The following KYAT1 variants were observed in gnomAD, a reference collection of about 807,000 sequenced individuals.
KYAT1 encodes the protein kynurenine aminotransferase 1, also known as kynurenine--oxoglutarate transaminase 1.
A neutral mutation model predicts 52.4 loss-of-function variants in KYAT1; 47 were observed. The ratio of observed to expected loss-of-function variants is 0.90; its 90% CI spans 0.71 to 1.14. The LOEUF (loss-of-function observed/expected upper bound fraction) is 1.14, where lower values mean the gene tolerates loss of function less well. KYAT1 is among the 50% of genes most tolerant of loss of function. The pLI, the probability that KYAT1 is intolerant of heterozygous loss-of-function variation, is 0.00. For synonymous variants in KYAT1, 212 were observed against 209.6 expected, an observed-to-expected ratio of 1.01 and a Z score of -0.10; for missense variants, 480 against 557.9, an observed-to-expected ratio of 0.86 and a Z score of 1.41.
intron 2 of KYAT1, among the ~76,000 whole-genome samples, chr9:128,843,167 T>TA (rs1346579103): frequency 2.0e-5 from 3 of 151,812 alleles, no homozygotes; most frequent in Non-Finnish European, 1.5e-5. Context: ...GATTCTGTCT[T>TA]AAAAAAACAA....
chr9:128,881,275 G>T (rs1476498221), intron 1 of KYAT1, among the ~76,000 whole-genome samples: 1 of 151,834 alleles, frequency 6.6e-6, no homozygotes, highest in Non-Finnish European at 1.5e-5. Context: ...TAGAGATGAG[G>T]TTTCACCAAG....
chr9:128,844,569 A>G (rs972982425), intron 2 of KYAT1, among the ~76,000 whole-genome samples: 3 of 152,150 alleles, frequency 2.0e-5, no homozygotes, highest in Non-Finnish European at 4.4e-5. Flanking sequence ...GCACGCCTGT[A>G]ATCCCAGCTA....
At chr9:128,836,567 G>A (rs978798747) in intron 7 of KYAT1, among the ~76,000 whole-genome samples, 18 of 152,048 alleles carry the variant, frequency 1.2e-4, no homozygotes, top group African/African-American at 1.9e-4. Flanking sequence ...CCAAAGTGCT[G>A]GGATTACAGG....
chr9:128,833,490 A>G lies in KYAT1; in HGVS notation c.*94T>C. 7.6e-7 allele frequency: 1 copy of G among 1,315,910 alleles called. No individual in the cohort carries two copies. The highest frequency in any genetic ancestry group is 1.2e-5 in the South Asian group (1 of 84,110). 81.5% of individuals were successfully genotyped at this position (1,315,910 alleles called of 1,614,324 possible). ...AGGTTTCCCAATAGCATCTTCCCCA[A>G]CCTAGAAATGTCTGAAACCTGGACA... On this transcript the variant is annotated 3_prime_UTR_variant, in exon 13 of 13. Transcript: ENST00000302586.
chr9:128,867,995 G>C (rs566190859), intron 1 of KYAT1, among the ~76,000 whole-genome samples: 3 of 152,004 alleles, frequency 2.0e-5, no homozygotes, highest in African/African-American at 7.3e-5. Flanking sequence ...GGATGGTCTC[G>C]ATCTCCTGAC....
chr9:128,833,832 G>A lies in KYAT1; in HGVS notation c.1123-6C>T. ...ACAGGGATGGCCACCAAGCCCTGGG[G>A]AGGAGGAAGGACATGTCTCAACACG... On this transcript the variant is annotated splice_region_variant and splice_polypyrimidine_tract_variant and intron_variant, in intron 11 of 12. Transcript: ENST00000302586. The A allele has an allele frequency of 6.2e-7, 1 of 1,612,882 alleles. No homozygotes were observed. Among genetic ancestry groups the A allele is most frequent in the Non-Finnish European group, 8.5e-7 (1 of 1,178,858 alleles).
At position 128,881,649 on chromosome 9, in the gene KYAT1, C is replaced by G. The variant is rs12005839; in HGVS notation, c.-7+248G>C. On this transcript the variant is annotated intron_variant, in intron 1 of 12. Transcript: ENST00000302586. ...CTGTTGTCTCGGGTATCATCTCCACCGGCGCGGTCGTGGGAGGGGGATTTG... is the reference window on the plus strand; with the variant it reads ...CTGTTGTCTCGGGTATCATCTCCACGGGCGCGGTCGTGGGAGGGGGATTTG... 7.3e-3 allele frequency among the ~76,000 whole-genome samples: 1,110 copies of G among 152,226 alleles called. 8 individuals are homozygous for G. The highest frequency in any genetic ancestry group is 0.019 in the African/African-American group (784 of 41,548).
chr9:128,839,542 G>A (rs968068654), intron 3 of KYAT1, among the ~76,000 whole-genome samples: 3 of 151,368 alleles, frequency 2.0e-5, no homozygotes, highest in Admixed American at 1.3e-4. Flanking sequence ...GAAGAATGGC[G>A]TGAACCCGGG....
In KYAT1 at chr9:128,859,355, C is replaced by A. The variant is rs377369533; in HGVS notation, c.-6-13944G>T. Among the ~76,000 whole-genome samples, 22 of 150,804 alleles carry A rather than the reference C, an allele frequency of 1.5e-4. No individual in the cohort carries two copies. The East Asian group carries it at 4.4e-3, about 30-fold the overall frequency. ...CAGCCTGGGCAACAGAGGGAGACTC[C>A]GTCTCAACAACAAAAAAAAAAGTTA... On this transcript the variant is annotated intron_variant, in intron 1 of 12. Coordinates refer to ENST00000302586, the MANE Select transcript of KYAT1 (RefSeq NM_004059.5).
At chr9:128,877,631 C>T (rs1252418165) in intron 1 of KYAT1, among the ~76,000 whole-genome samples, 2 of 152,196 alleles carry the variant, frequency 1.3e-5, no homozygotes, top group African/African-American at 4.8e-5. Flanking sequence ...TCCAACTTCA[C>T]CTTGCATGGC....
At chr9:128,847,850 C>T (rs1305231409) in intron 1 of KYAT1, among the ~76,000 whole-genome samples, 1 of 152,180 alleles carries the variant, frequency 6.6e-6, no homozygotes, top group African/African-American at 2.4e-5. Context: ...AGGAGAGGAT[C>T]ACTGATAGCC....
intron 1 of KYAT1, among the ~76,000 whole-genome samples, chr9:128,863,235 G>C (rs1835701452): frequency 6.6e-6 from 1 of 152,082 alleles, no homozygotes; most frequent in South Asian, 2.1e-4. Flanking sequence ...CTGAGAGACG[G>C]GGGAAGGATT....
chr9:128,877,569 G>A (rs1216277336), intron 1 of KYAT1, among the ~76,000 whole-genome samples: 4 of 152,224 alleles, frequency 2.6e-5, no homozygotes. Flanking sequence ...TCAGGCGGGT[G>A]CTAGGGCTGA....
intron 3 of KYAT1, among the ~76,000 whole-genome samples, chr9:128,841,319 A>G (rs570691206): frequency 3.7e-4 from 57 of 152,286 alleles, no homozygotes; most frequent in African/African-American, 1.3e-3. Context: ...CCTGGCCAAC[A>G]TGGTGAAACC....
intron 1 of KYAT1, among the ~76,000 whole-genome samples, chr9:128,867,497 G>A (rs547405774): frequency 4.1e-4 from 62 of 152,004 alleles, no homozygotes; most frequent in Non-Finnish European, 6.8e-4. Flanking sequence ...TGATCTTACA[G>A]GAATATTCAC....
intron 1 of KYAT1, among the ~76,000 whole-genome samples, chr9:128,871,518 G>C (rs1378436863): frequency 6.6e-6 from 1 of 152,046 alleles, no homozygotes; most frequent in Non-Finnish European, 1.5e-5. Context: ...AGACCAGCCT[G>C]GGCAACATAA....
intron 1 of KYAT1, among the ~76,000 whole-genome samples, chr9:128,850,645 G>A (rs1005473575): frequency 6.6e-6 from 1 of 152,278 alleles, no homozygotes; most frequent in African/African-American, 2.4e-5. Context: ...AGACCTGACC[G>A]TCCCCCAGCC....
rs2118864434 is a variant in KYAT1, at chr9:128,833,731, GC to G, written c.1209+8del. 1 of 1,613,958 alleles carries G rather than the reference GC, an allele frequency of 6.2e-7. No homozygotes were observed. Among genetic ancestry groups the G allele is most frequent in the Non-Finnish European group, 8.5e-7 (1 of 1,179,796 alleles). ...GTGAGGTCTTTCCTCCCCCAGCCCT[GC>G]CCTTTACCTTCACAAAACAGAAGCG... On this transcript the variant is annotated splice_region_variant and intron_variant, in intron 12 of 12. Transcript: ENST00000302586.
chr9:128,833,799 A>G lies in KYAT1; in HGVS notation c.1150T>C (p.Phe384Leu). 6.2e-7 allele frequency: 1 copy of G among 1,614,244 alleles called. No homozygotes were observed. The highest frequency in any genetic ancestry group is 8.5e-7 in the Non-Finnish European group (1 of 1,180,030). Residue 384 changes from phenylalanine (F) to leucine (L), a missense_variant, in exon 12 of 13, where the codon TTC (phenylalanine) becomes CTC (leucine). Transcript: ENST00000302586. ...KGLVAIPVSI[F>L]YSVPHQKHFD... is the part of the protein sequence containing the mutation. ...TGCTTCTGATGTGGCACACTATAGA[A>G]GATGGAGACAGGGATGGCCACCAAG...
Sources: allele counts gnomAD v4.1 joint callset (sites outside exome capture counted in the v4.1 genomes callset), GRCh38; gene constraint gnomAD v4.1.1; transcripts MANE v1.5; gene names NCBI Gene and HGNC (gene_info 2026-07-23, HGNC 2026-07-21).